Variants in NEDD8 observed in about 807,000 individuals in gnomAD.
NEDD8 encodes NEDD8 ubiquitin like modifier.
NEDD8 carries 1 observed loss-of-function variant against 13.8 expected under a neutral mutation model. The ratio of observed to expected loss-of-function variants is 0.07; its 90% CI spans 0.03 to 0.34. The LOEUF (loss-of-function observed/expected upper bound fraction) is 0.34. NEDD8 is among the 10% of genes least tolerant of loss of function. NEDD8 has a pLI of 0.99. For missense variants in NEDD8, 10 were observed against 95.2 expected (o/e 0.10, Z 3.73); for synonymous variants, 31 against 33.2 (o/e 0.93, Z 0.23).
At chr14:24,231,763 C>T (rs2040032416) in intron 1 of NEDD8, 1 of 156,022 alleles carries the variant, frequency 6.4e-6, no homozygotes, top group African/African-American at 2.4e-5. Flanking sequence ...GATACCACAC[C>T]TTGGCAACCA....
chr14:24,219,958 G>A (rs1306826359), intron 1 of NEDD8, among the ~76,000 whole-genome samples: 1 of 152,158 alleles, frequency 6.6e-6, no homozygotes, highest in Non-Finnish European at 1.5e-5. Flanking sequence ...TGGCCAACAT[G>A]GAGAAAGCCT....
intron 1 of NEDD8, chr14:24,227,193 T>G (rs976844229): frequency 1.3e-5 from 2 of 152,226 alleles, no homozygotes; most frequent in Non-Finnish European, 2.9e-5. Context: ...TATGCTATTG[T>G]CAAAAACTCA....
intron 1 of NEDD8, among the ~76,000 whole-genome samples, chr14:24,230,361 T>A (rs1431110541): frequency 1.4e-5 from 2 of 147,062 alleles, no homozygotes; most frequent in African/African-American, 2.5e-5. Flanking sequence ...GGTGAAACCC[T>A]GTCTCTACTA....
chr14:24,223,168 G>A (rs1386340310), intron 1 of NEDD8, among the ~76,000 whole-genome samples: 1 of 151,924 alleles, frequency 6.6e-6, no homozygotes, highest in Non-Finnish European at 1.5e-5. Context: ...TTGGGAAGGG[G>A]ATGTGGGAGT....
At chr14:24,223,149 C>T (rs958590530) in intron 1 of NEDD8, among the ~76,000 whole-genome samples, 2 of 148,306 alleles carry the variant, frequency 1.3e-5, no homozygotes, top group Non-Finnish European at 3.0e-5. Context: ...TGCCTGTAAT[C>T]TCAACACTTT....
In NEDD8 at chr14:24,217,157, A is replaced by C; in HGVS notation, c.216T>G (p.Ala72=). Residue 72 remains alanine, a synonymous_variant, in exon 4 of 4, where the codon GCT becomes GCG. Transcript: ENST00000250495. ...LGGSVLHLVL[A]LRGGGGLRQ is the part of the protein sequence containing the mutation. The stretch of plus-strand genomic sequence containing the variant: ...GCCTAAGACCACCTCCTCCTCTCAG[A>C]GCCAACACCAGGTGAAGGACTGAAC... The C allele has an allele frequency of 2.5e-6, 4 of 1,613,484 alleles. No individual in the cohort carries two copies. The highest frequency in any genetic ancestry group is 3.4e-6 in the Non-Finnish European group (4 of 1,179,782).
At chr14:24,226,086 A>G (rs2039886170) in intron 1 of NEDD8, among the ~76,000 whole-genome samples, 1 of 151,198 alleles carries the variant, frequency 6.6e-6, no homozygotes, top group South Asian at 2.1e-4. Context: ...TGCCCTAGGC[A>G]CTGGAGGAAA....
At position 24,221,287 on chromosome 14, in the gene NEDD8, C is replaced by CTT. The variant is rs35302229; in HGVS notation, c.19-2858_19-2857dup. 8.1e-4 allele frequency among the ~76,000 whole-genome samples: 114 copies of CTT among 140,336 alleles called. No homozygotes were observed. The East Asian group carries it at 0.016, about 20-fold the overall frequency. The allele number at this position is 140,336 out of a possible 152,430, so 92.1% of individuals were successfully genotyped here. A position where few individuals can be genotyped will look rare whatever the true frequency, so the allele number is the denominator to read the frequency against. On this transcript the variant is annotated intron_variant, in intron 1 of 3. Coordinates refer to ENST00000250495, the MANE Select transcript of NEDD8 (RefSeq NM_006156.3). The stretch of plus-strand genomic sequence containing the variant: ...TGTTGTCCACAAATTATTTCACTTT[C>CTT]TTTTTTTTTTTTTTTGAGACGGGGT...
chr14:24,218,264 G>A, intron 2 of NEDD8, 49 bp from the exon 3 acceptor site: 1 of 1,613,916 alleles, frequency 6.2e-7, no homozygotes, highest in African/African-American at 1.3e-5. Flanking sequence ...GTAGGACCAT[G>A]GAAACGGAAA....
chr14:24,228,479 A>C (rs1424836087), intron 1 of NEDD8: 1 of 152,120 alleles, frequency 6.6e-6, no homozygotes, highest in African/African-American at 2.4e-5. Context: ...CTTTAGGAAG[A>C]TGAGGTGGGA....
At chr14:24,226,216 G>A (rs1170716885) in intron 1 of NEDD8, among the ~76,000 whole-genome samples, 2 of 151,972 alleles carry the variant, frequency 1.3e-5, no homozygotes, top group African/African-American at 2.4e-5. Flanking sequence ...TTCTGGCTGG[G>A]CACAGTGGCT....
chr14:24,225,686 T>C, intron 1 of NEDD8, among the ~76,000 whole-genome samples: 1 of 152,228 alleles, frequency 6.6e-6, no homozygotes, highest in Non-Finnish European at 1.5e-5. Context: ...TTTTAGAAGA[T>C]ATTCTTGATA....
chr14:24,222,285 CTATT>C (rs1224266904), intron 1 of NEDD8, among the ~76,000 whole-genome samples: 2 of 152,036 alleles, frequency 1.3e-5, no homozygotes, highest in African/African-American at 4.8e-5. Context: ...TTTAGGATAA[CTATT>C]TGTAATATAT....
chr14:24,232,131 G>T, intron 1 of NEDD8, 119 bp downstream of exon 1: 1 of 1,533,202 alleles, frequency 6.5e-7, no homozygotes, highest in Non-Finnish European at 8.9e-7. Context: ...GCGGAGCCCT[G>T]AGGCAGTCAG....
intron 3 of NEDD8, chr14:24,217,600 T>G (rs1464195258): frequency 5.4e-6 from 1 of 184,564 alleles, no homozygotes; most frequent in Non-Finnish European, 1.2e-5. Context: ...AGAACAGGAG[T>G]TCTTGAGTTT....
Position 24,216,900 on chromosome 14 carries a change from G to C in NEDD8, c.*227C>G, listed in dbSNP as rs1279103338. 1.9e-6 allele frequency: 1 copy of C among 514,328 alleles called. No individual in the cohort carries two copies. Among genetic ancestry groups the C allele is most frequent in the Non-Finnish European group, 3.5e-6 (1 of 283,884 alleles). 31.9% of individuals were successfully genotyped at this position (514,328 alleles called of 1,614,324 possible). A position where few individuals can be genotyped will look rare whatever the true frequency, so the allele number is the denominator to read the frequency against. ...TATTTTATTGACAACCAGGGACACA[G>C]TCATAAGAGAGGGAAGCACACAGGA... On this transcript the variant is annotated 3_prime_UTR_variant, in exon 4 of 4. Transcript: ENST00000250495.
chr14:24,217,252 G>GA (rs763545447), intron 3 of NEDD8, 29 bp from the exon 4 acceptor site: 1 of 1,557,542 alleles, frequency 6.4e-7, no homozygotes, highest in Non-Finnish European at 8.7e-7. Context: ...AGAAAAAAAA[G>GA]AAAAAGAAGA....
chr14:24,221,593 TTTA>T (rs1459088133), intron 1 of NEDD8, among the ~76,000 whole-genome samples: 1 of 149,344 alleles, frequency 6.7e-6, no homozygotes, highest in Non-Finnish European at 1.5e-5. Context: ...AATACAAATT[TTTA>T]TTTATTTATT....
At chr14:24,221,480 A>G (rs1457472309) in intron 1 of NEDD8, among the ~76,000 whole-genome samples, 1 of 151,956 alleles carries the variant, frequency 6.6e-6, no homozygotes, top group African/African-American at 2.4e-5. Flanking sequence ...GGGTTTTGCC[A>G]TGTTGCCCAG....
Sources: allele counts gnomAD v4.1 joint callset (sites outside exome capture counted in the v4.1 genomes callset), GRCh38; gene constraint gnomAD v4.1.1; transcripts MANE v1.5; gene names NCBI Gene and HGNC (gene_info 2026-07-23, HGNC 2026-07-21).